Variants in ADGRL2 observed in about 807,000 individuals in gnomAD.
ADGRL2 encodes the protein adhesion G protein-coupled receptor L2, also known as calcium-independent alpha-latrotoxin receptor 2.
Under a neutral mutation model 157.4 loss-of-function variants are expected in ADGRL2, and 44 were observed. The observed-to-expected ratio is 0.28, with a 90% confidence interval of 0.22 to 0.36. The LOEUF is 0.36. Ranked by LOEUF, ADGRL2 falls within the 10% of genes least tolerant of loss-of-function variation. The probability of loss-of-function intolerance (pLI) is 1.00; values close to 1 mark genes in which losing one functional copy is unlikely to be tolerated. For missense variants in ADGRL2, 1,510 were observed against 1,768.9 expected (o/e 0.85, Z 2.63); for synonymous variants, 585 against 624.7 (o/e 0.94, Z 0.95).
intron 1 of ADGRL2, among the ~76,000 whole-genome samples, chr1:81,309,256 A>G (rs1216863489): frequency 6.6e-6 from 1 of 152,296 alleles, no homozygotes; most frequent in East Asian, 1.9e-4. Context: ...TTATTGCTGC[A>G]TATGGATTGA....
At chr1:81,380,875 C>T (rs1176156822) in intron 1 of ADGRL2, among the ~76,000 whole-genome samples, 1 of 151,902 alleles carries the variant, frequency 6.6e-6, no homozygotes, top group East Asian at 1.9e-4. Flanking sequence ...TGAAATTTCT[C>T]CCAAACTCTT....
intron 2 of ADGRL2, among the ~76,000 whole-genome samples, chr1:81,570,914 AC>A (rs1256049562): frequency 6.6e-6 from 1 of 152,214 alleles, no homozygotes; most frequent in East Asian, 1.9e-4. Flanking sequence ...TCAGCTGCAC[AC>A]CAGAGAATCC....
At chr1:81,724,886 T>G (rs568181241) in intron 1 of ADGRL2, among the ~76,000 whole-genome samples, 1 of 152,322 alleles carries the variant, frequency 6.6e-6, no homozygotes, top group South Asian at 2.1e-4. Context: ...GCTATTATGC[T>G]GATGGAGCAT....
chr1:81,911,366 T>C (rs1050186596), intron 3 of ADGRL2, among the ~76,000 whole-genome samples: 20 of 152,294 alleles, frequency 1.3e-4, no homozygotes, highest in African/African-American at 4.6e-4. Context: ...TTGAATTCAT[T>C]AACAAACCAA....
chr1:81,505,551 G>A (rs1974033), intron 2 of ADGRL2, among the ~76,000 whole-genome samples: 8 of 150,550 alleles, frequency 5.3e-5, no homozygotes, highest in Middle Eastern at 3.4e-3. Flanking sequence ...ACCCAGAGCC[G>A]GATGAGGGAT....
At chr1:81,704,315 C>T (rs1475763850) in intron 1 of ADGRL2, among the ~76,000 whole-genome samples, 1 of 152,212 alleles carries the variant, frequency 6.6e-6, no homozygotes, top group Non-Finnish European at 1.5e-5. Flanking sequence ...CATTCTTAGG[C>T]TTAGCTGGCT....
chr1:81,719,690 T>A (rs2084232422), intron 1 of ADGRL2, among the ~76,000 whole-genome samples: 1 of 152,196 alleles, frequency 6.6e-6, no homozygotes, highest in Admixed American at 6.5e-5. Flanking sequence ...TTATCCAAAC[T>A]GAATGCACTT....
intron 2 of ADGRL2, among the ~76,000 whole-genome samples, chr1:81,542,106 G>T (rs972079336): frequency 1.3e-5 from 2 of 152,110 alleles, no homozygotes; most frequent in African/African-American, 4.8e-5. Flanking sequence ...AAATATTATT[G>T]GCATTGGAGA....
chr1:81,558,836 G>A (rs530622650), intron 2 of ADGRL2, among the ~76,000 whole-genome samples: 8 of 152,260 alleles, frequency 5.3e-5, no homozygotes, highest in South Asian at 2.1e-4. Context: ...AAAGAAGAGC[G>A]ATATAATGAA....
chr1:81,392,960 C>G (rs1300242518), intron 1 of ADGRL2, among the ~76,000 whole-genome samples: 1 of 151,990 alleles, frequency 6.6e-6, no homozygotes, highest in East Asian at 1.9e-4. Context: ...AACCATACTT[C>G]CATAAAATTC....
intron 2 of ADGRL2, among the ~76,000 whole-genome samples, chr1:81,783,490 A>C (rs980577326): frequency 1.3e-5 from 2 of 151,612 alleles, no homozygotes; most frequent in Non-Finnish European, 1.5e-5. Flanking sequence ...TCTTCTTCTT[A>C]TTTTTATCTC....
At chr1:81,951,788 A>G (rs1437222898) in intron 8 of ADGRL2, among the ~76,000 whole-genome samples, 169 bp from the exon 9 acceptor site, 1 of 151,884 alleles carries the variant, frequency 6.6e-6, no homozygotes, top group Non-Finnish European at 1.5e-5. Flanking sequence ...TGTGTTGATA[A>G]TCTAAGAGCC....
intron 1 of ADGRL2, among the ~76,000 whole-genome samples, chr1:81,346,038 CT>C (rs1170330241): frequency 6.6e-6 from 1 of 152,128 alleles, no homozygotes; most frequent in Non-Finnish European, 1.5e-5. Flanking sequence ...AATACTTTGC[CT>C]TTCCATAACA....
rs114182797 is a variant in ADGRL2 at position 81,584,178 on chromosome 1, C to T, written c.-143+3198C>T. Among the ~76,000 whole-genome samples the T allele has an allele frequency of 3.3e-3, 500 of 152,262 alleles. 3 individuals carry two copies. The highest frequency in any genetic ancestry group is 0.012 in the African/African-American group (481 of 41,572). ...CAAACAGGGCCTAATAAACTAACTT[C>T]ACCCCCTAGACCTCCCTTTTGCTGT... is the stretch of plus-strand genomic sequence containing the variant. On this transcript the variant is annotated intron_variant, in intron 3 of 24. Transcript: ENST00000370721.
At chr1:81,307,904 T>C (rs987266662) in intron 1 of ADGRL2, among the ~76,000 whole-genome samples, 1 of 152,184 alleles carries the variant, frequency 6.6e-6, no homozygotes, top group Non-Finnish European at 1.5e-5. Flanking sequence ...CCTGTCATTG[T>C]TAGCATAAAG....
chr1:81,567,393 A>G (rs1479396159), intron 2 of ADGRL2, among the ~76,000 whole-genome samples: 2 of 152,124 alleles, frequency 1.3e-5, no homozygotes, highest in Non-Finnish European at 1.5e-5. Flanking sequence ...GTTATATTGT[A>G]CAGCACTGAA....
At chr1:81,441,842 A>G (rs1357569671) in intron 1 of ADGRL2, among the ~76,000 whole-genome samples, 1 of 151,810 alleles carries the variant, frequency 6.6e-6, no homozygotes, top group Non-Finnish European at 1.5e-5. Context: ...CCAACCTAGA[A>G]TATTCCATTT....
chr1:81,920,008 G>A (rs1557913244), intron 3 of ADGRL2, among the ~76,000 whole-genome samples: 1 of 152,122 alleles, frequency 6.6e-6, no homozygotes, highest in Non-Finnish European at 1.5e-5. Flanking sequence ...GAGAAGTTAT[G>A]CTTGAGACTG....
upstream of ADGRL2, among the ~76,000 whole-genome samples, chr1:81,800,855 G>A (rs923955948): frequency 1.3e-5 from 2 of 150,342 alleles, no homozygotes; most frequent in African/African-American, 2.4e-5. Flanking sequence ...CTGGGGGTAG[G>A]GGGAGCGCGA....
Sources: gnomAD v4.1 joint callset for allele counts (sites outside exome capture counted in the v4.1 genomes callset) on GRCh38, gnomAD v4.1.1 for gene constraint, MANE v1.5 for transcripts, NCBI Gene and HGNC (gene_info 2026-07-23, HGNC 2026-07-21) for gene names.